GUCA1C: variants seen among roughly 807,000 people sequenced by gnomAD.
The protein encoded by GUCA1C is guanylate cyclase activator 1C.
Under a neutral mutation model 16.2 loss-of-function variants are expected in GUCA1C, and 15 were observed. The ratio of observed to expected loss-of-function variants is 0.93; its 90% CI spans 0.62 to 1.43. The LOEUF (loss-of-function observed/expected upper bound fraction) is 1.43. Ranked by LOEUF, GUCA1C falls within the 40% of genes most tolerant of loss-of-function variation. The pLI, the probability that GUCA1C is intolerant of heterozygous loss-of-function variation, is 0.00. For synonymous variants in GUCA1C, 78 were observed against 85.4 expected (o/e 0.91, Z 0.48); for missense variants, 275 against 244.8 (o/e 1.12, Z -0.82).
chr3:108,914,773 G>C (rs62266504), intron 3 of GUCA1C, among the ~76,000 whole-genome samples: 14,645 of 152,148 alleles, frequency 0.096, 720 homozygotes, highest in Middle Eastern at 0.15. Flanking sequence ...CGATGACCAC[G>C]ATTTTCAGTG....
At chr3:108,909,746 C>A (rs552221333) in intron 3 of GUCA1C, among the ~76,000 whole-genome samples, 1 of 152,244 alleles carries the variant, frequency 6.6e-6, no homozygotes, top group African/African-American at 2.4e-5. Flanking sequence ...GCTGTTTTTT[C>A]ACTTTCTTCA....
upstream of GUCA1C, chr3:108,953,938 G>C (rs940519893): frequency 6.8e-6 from 4 of 587,164 alleles, no homozygotes; most frequent in South Asian, 8.9e-5. Flanking sequence ...TAACTTATCT[G>C]CCCAGTTTTA....
rs147557696 is a variant in GUCA1C, at chr3:108,930,260, C to T, written c.205-9675G>A. 1.9e-3 allele frequency among the ~76,000 whole-genome samples: 287 copies of T among 152,198 alleles called. 1 individual carries two copies. Among genetic ancestry groups the T allele is most frequent in the African/African-American group, 5.9e-3 (244 of 41,544 alleles). ...TGATGCCAGGGCCTGTTTACAAAAC[C>T]GGGATGTGACATAAAGTAAACCACT... On this transcript the variant is annotated intron_variant, in intron 1 of 3. Coordinates refer to ENST00000261047, the MANE Select transcript of GUCA1C (RefSeq NM_005459.4).
chr3:108,949,245 G>A (rs546549343), intron 1 of GUCA1C, among the ~76,000 whole-genome samples: 5 of 152,268 alleles, frequency 3.3e-5, no homozygotes, highest in African/African-American at 1.2e-4. Context: ...CTCAATTTAA[G>A]GAGTTTACTT....
intron 1 of GUCA1C, among the ~76,000 whole-genome samples, chr3:108,938,038 C>T (rs1049223612): frequency 6.6e-6 from 1 of 151,732 alleles, no homozygotes; most frequent in Non-Finnish European, 1.5e-5. Flanking sequence ...CCACTGCACT[C>T]TGATAGAGCA....
At chr3:108,932,228 A>T (rs2107299565) in intron 1 of GUCA1C, among the ~76,000 whole-genome samples, 1 of 150,490 alleles carries the variant, frequency 6.6e-6, no homozygotes, top group East Asian at 2.0e-4. Context: ...GAAATGACGA[A>T]TTCTTATTGG....
intron 1 of GUCA1C, among the ~76,000 whole-genome samples, chr3:108,951,286 T>C (rs942958981): frequency 6.6e-6 from 1 of 152,190 alleles, no homozygotes; most frequent in African/African-American, 2.4e-5. Flanking sequence ...ATTTTACTGC[T>C]CTTGCCACAA....
chr3:108,912,093 G>A (rs1946461149), intron 3 of GUCA1C, among the ~76,000 whole-genome samples: 1 of 16,956 alleles, frequency 5.9e-5, no homozygotes, highest in Non-Finnish European at 1.7e-4. Context: ...GACAGAGAGA[G>A]ACTCCGTCTC....
chr3:108,934,588 T>G (rs1946702551), intron 1 of GUCA1C, among the ~76,000 whole-genome samples: 1 of 152,090 alleles, frequency 6.6e-6, no homozygotes, highest in Non-Finnish European at 1.5e-5. Flanking sequence ...ACAGCACTAC[T>G]CACAATAGCA....
chr3:108,937,684 C>T (rs1946739484), intron 1 of GUCA1C, among the ~76,000 whole-genome samples: 1 of 152,196 alleles, frequency 6.6e-6, no homozygotes, highest in Non-Finnish European at 1.5e-5. Context: ...GTGCTTTGCA[C>T]ACATGAGGCC....
In GUCA1C at chr3:108,929,820, C is replaced by T. The variant is rs184105441; in HGVS notation, c.205-9235G>A. Among the ~76,000 whole-genome samples the T allele has an allele frequency of 5.7e-4, 86 of 152,160 alleles. 1 individual carries two copies. The highest frequency in any genetic ancestry group is 1.9e-3 in the African/African-American group (77 of 41,518). On this transcript the variant is annotated intron_variant, in intron 1 of 3. Coordinates refer to ENST00000261047, the MANE Select transcript of GUCA1C (RefSeq NM_005459.4). ...TATCAAGCAGACAAATTTTATATTC[C>T]TTTTAATAGGAACTGGTTGATATTT...
intron 1 of GUCA1C, among the ~76,000 whole-genome samples, chr3:108,939,859 G>T (rs1946768502): frequency 1.3e-5 from 2 of 152,126 alleles, no homozygotes; most frequent in African/African-American, 4.8e-5. Context: ...ACATTGTTTT[G>T]ATTTAGTTGT....
chr3:108,948,908 C>T (rs1158764341), intron 1 of GUCA1C, among the ~76,000 whole-genome samples: 1 of 150,852 alleles, frequency 6.6e-6, no homozygotes, highest in East Asian at 1.9e-4. Flanking sequence ...AGTACAAGGG[C>T]ACGATCTCAA....
At chr3:108,941,596 C>T (rs1403112926) in intron 1 of GUCA1C, among the ~76,000 whole-genome samples, 2 of 152,182 alleles carry the variant, frequency 1.3e-5, no homozygotes, top group Non-Finnish European at 2.9e-5. Flanking sequence ...GGGCTCATCC[C>T]TGCCTTCCTG....
At chr3:108,915,980 G>A in intron 3 of GUCA1C, 147 bp downstream of exon 3, 1 of 793,684 alleles carries the variant, frequency 1.3e-6, no homozygotes. Context: ...GAATCATACT[G>A]AGAACATTGG....
intron 1 of GUCA1C, among the ~76,000 whole-genome samples, chr3:108,933,556 C>T (rs1044843385): frequency 1.3e-5 from 2 of 152,124 alleles, no homozygotes; most frequent in African/African-American, 2.4e-5. Flanking sequence ...TTTAAGGTTT[C>T]TTCTGGTTCC....
At chr3:108,920,873 T>G (rs1157059098) in intron 1 of GUCA1C, among the ~76,000 whole-genome samples, 1 of 152,082 alleles carries the variant, frequency 6.6e-6, no homozygotes, top group Non-Finnish European at 1.5e-5. Context: ...ATACTCCCCG[T>G]CCCCACACAT....
At chr3:108,948,156 C>T (rs1034358861) in intron 1 of GUCA1C, among the ~76,000 whole-genome samples, 1 of 152,100 alleles carries the variant, frequency 6.6e-6, no homozygotes, top group Admixed American at 6.6e-5. Context: ...GGCTCTGTGT[C>T]CCCACCCAAA....
At position 108,916,143 on chromosome 3, in the gene GUCA1C, G is replaced by A. The variant is rs746820657; in HGVS notation, c.426C>T (p.Ile142=). ...EEFINLVFHK[I]DINNDGELTL... ...CTCCATTACCATCATTGTTTATATC[G>A]ATCTTATGGAACACCAAGTTGATGA... The change falls in exon 3 of 4, where the codon ATC becomes ATT. Residue 142 remains isoleucine (I), a synonymous_variant. Coordinates refer to ENST00000261047, the MANE Select transcript of GUCA1C (RefSeq NM_005459.4). 5.0e-6 allele frequency: 8 copies of A among 1,612,000 alleles called. No homozygotes were observed. The highest frequency in any genetic ancestry group is 5.9e-6 in the Non-Finnish European group (7 of 1,178,180).
Sources: allele counts gnomAD v4.1 joint callset (sites outside exome capture counted in the v4.1 genomes callset), GRCh38; gene constraint gnomAD v4.1.1; transcripts MANE v1.5; gene names NCBI Gene and HGNC (gene_info 2026-07-23, HGNC 2026-07-21).